Variants in PLCE1 observed in about 807,000 individuals in gnomAD.
PLCE1 encodes the protein phospholipase C epsilon 1.
A neutral mutation model predicts 242.8 loss-of-function variants in PLCE1; 119 were observed. The ratio of observed to expected loss-of-function variants is 0.49; its 90% CI spans 0.42 to 0.57. PLCE1 has a LOEUF of 0.57. Among genes scored for constraint, PLCE1 ranks in the 20% least tolerant of loss-of-function variants. The pLI is 0.00. For missense variants in PLCE1, 2,441 were observed against 2,788.8 expected, an observed-to-expected ratio of 0.88 and a Z score of 2.81; for synonymous variants, 945 against 1,017.4, an observed-to-expected ratio of 0.93 and a Z score of 1.35.
Position 94,171,041 on chromosome 10 carries a change from A to G in PLCE1, c.1493-139A>G, listed in dbSNP as rs1372071180. The G allele has an allele frequency of 5.4e-6, 4 of 746,912 alleles. No individual in the cohort carries two copies. In the Admixed American group the frequency reaches 6.8e-5, roughly 13 times the overall value. 46.3% of individuals were successfully genotyped at this position (746,912 alleles called of 1,614,324 possible). A position where few individuals can be genotyped will look rare whatever the true frequency, so the allele number is the denominator to read the frequency against. ...AGATATCAGAAAGGTCTTTGTAAAA[A>G]GAAAAATAGTACAGAACTCTTCACT... On this transcript the variant is annotated intron_variant, in intron 3 of 32. Transcript: ENST00000371380.
At chr10:94,176,254 G>T (rs943072443) in intron 4 of PLCE1, among the ~76,000 whole-genome samples, 4 of 151,976 alleles carry the variant, frequency 2.6e-5, no homozygotes, top group African/African-American at 4.8e-5. Flanking sequence ...CAAAAAATTA[G>T]CCAGGCATGG....
chr10:94,004,515 G>A (rs1359888506), intron 1 of PLCE1, among the ~76,000 whole-genome samples: 1 of 152,200 alleles, frequency 6.6e-6, no homozygotes, highest in East Asian at 1.9e-4. Context: ...GCACCTGTGG[G>A]ACTCAGAAAC....
intron 20 of PLCE1, chr10:94,280,480 GA>G (rs1478837658): frequency 7.6e-5 from 12 of 157,000 alleles, no homozygotes; most frequent in African/African-American, 2.9e-4. Flanking sequence ...TCACACGAAT[GA>G]TGTTAACTAC....
intron 5 of PLCE1, among the ~76,000 whole-genome samples, chr10:94,230,407 C>A (rs1293997410): frequency 6.6e-6 from 1 of 152,130 alleles, no homozygotes; most frequent in Admixed American, 6.6e-5. Context: ...TCACTGCAAC[C>A]TCCACCTCCC....
At chr10:94,042,296 C>G (rs1180583484) in intron 2 of PLCE1, among the ~76,000 whole-genome samples, 1 of 152,172 alleles carries the variant, frequency 6.6e-6, no homozygotes, top group African/African-American at 2.4e-5. Context: ...TAAGTACTGG[C>G]TGGATGCTTT....
chr10:94,007,985 A>G (rs1226901367), intron 1 of PLCE1, among the ~76,000 whole-genome samples: 5 of 151,184 alleles, frequency 3.3e-5, no homozygotes, highest in Non-Finnish European at 7.4e-5. Context: ...CGAGGCCAGC[A>G]TGGGCAACAT....
chr10:94,100,572 C>T (rs1217569748), intron 2 of PLCE1: 1 of 152,080 alleles, frequency 6.6e-6, no homozygotes, highest in South Asian at 2.1e-4. Flanking sequence ...ACAATGAAAT[C>T]ATTGGTCTTT....
intron 1 of PLCE1, among the ~76,000 whole-genome samples, chr10:94,025,720 T>C (rs1184621770): frequency 6.6e-6 from 1 of 152,164 alleles, no homozygotes; most frequent in African/African-American, 2.4e-5. Context: ...CTCTTATAAT[T>C]CATGTCTTAG....
intron 1 of PLCE1, among the ~76,000 whole-genome samples, chr10:94,016,917 TTGAAA>T (rs2061293107): frequency 6.6e-6 from 1 of 152,218 alleles, no homozygotes; most frequent in African/African-American, 2.4e-5. Context: ...CAACTGATAT[TTGAAA>T]TGATGACGTA....
chr10:94,290,785 A>G, intron 22 of PLCE1, among the ~76,000 whole-genome samples: 1 of 152,214 alleles, frequency 6.6e-6, no homozygotes, highest in Non-Finnish European at 1.5e-5. Flanking sequence ...TATAGTAAAT[A>G]TATAAACCAG....
chr10:94,193,444 G>A (rs972168852), intron 4 of PLCE1, among the ~76,000 whole-genome samples: 3 of 152,162 alleles, frequency 2.0e-5, no homozygotes, highest in Non-Finnish European at 4.4e-5. Context: ...TGTGGCAGAA[G>A]GGATATATAA....
chr10:94,156,475 G>A (rs2047436730), intron 3 of PLCE1, among the ~76,000 whole-genome samples: 1 of 152,194 alleles, frequency 6.6e-6, no homozygotes, highest in Non-Finnish European at 1.5e-5. Flanking sequence ...TTATGATAAA[G>A]GATGCAAATG....
chr10:94,049,464 G>C (rs1010511871), intron 2 of PLCE1, among the ~76,000 whole-genome samples: 3 of 152,040 alleles, frequency 2.0e-5, no homozygotes, highest in African/African-American at 7.3e-5. Flanking sequence ...CCTTCTCTGA[G>C]CCCTTTAATT....
chr10:94,324,259 C>T lies in PLCE1; in HGVS notation c.6502-90C>T, dbSNP rs113696586. ...AGATCCCCTTCATCTCTAGTCTGGG[C>T]CATTTTTCCACCTTAAAGTTTCATA... On this transcript the variant is annotated intron_variant, in intron 30 of 32. Coordinates refer to ENST00000371380, the MANE Select transcript of PLCE1 (RefSeq NM_016341.4). The T allele has an allele frequency of 2.6e-5, 26 of 1,009,194 alleles. No individual in the cohort carries two copies. The African/African-American group carries it at 3.3e-4, about 13-fold the overall frequency. 62.5% of individuals were successfully genotyped at this position (1,009,194 alleles called of 1,614,324 possible).
intron 4 of PLCE1, among the ~76,000 whole-genome samples, chr10:94,181,349 G>T (rs933009133): frequency 1.3e-5 from 2 of 152,038 alleles, no homozygotes; most frequent in Non-Finnish European, 2.9e-5. Flanking sequence ...AACATGGGTG[G>T]ATCACAAGGT....
At chr10:94,187,146 A>ATGTGTGTGTGTG (rs372501153) in intron 4 of PLCE1, among the ~76,000 whole-genome samples, 177 of 145,500 alleles carry the variant, frequency 1.2e-3, no homozygotes, top group East Asian at 3.5e-3. Flanking sequence ...TGAAACATAT[A>ATGTGTGTGTGTG]TGTGTGTGTG....
chr10:94,294,567 C>A (rs565101511), intron 23 of PLCE1, among the ~76,000 whole-genome samples: 99 of 152,288 alleles, frequency 6.5e-4, no homozygotes, highest in African/African-American at 2.3e-3. Context: ...TTTCCCAGTA[C>A]ATATAAAAGT....
intron 2 of PLCE1, chr10:94,100,088 T>C (rs1327392015): frequency 6.6e-6 from 1 of 152,212 alleles, no homozygotes; most frequent in African/African-American, 2.4e-5. Context: ...AGCAAGTTAC[T>C]AAACTTCTTT....
chr10:94,232,462 G>A (rs771129314), intron 5 of PLCE1, among the ~76,000 whole-genome samples: 114 of 152,256 alleles, frequency 7.5e-4, no homozygotes, highest in African/African-American at 1.3e-3. Context: ...GAGAGGAGAT[G>A]GGAAAGGATG....
Sources: gnomAD v4.1 joint callset for allele counts (sites outside exome capture counted in the v4.1 genomes callset) on GRCh38, gnomAD v4.1.1 for gene constraint, MANE v1.5 for transcripts, NCBI Gene and HGNC (gene_info 2026-07-23, HGNC 2026-07-21) for gene names.